Variants in SHANK2 observed in about 807,000 individuals in gnomAD.
The protein encoded by SHANK2 is SH3 and multiple ankyrin repeat domains 2.
SHANK2 carries 43 observed loss-of-function variants against 133.7 expected under a neutral mutation model. The ratio of observed to expected loss-of-function variants is 0.32; its 90% CI spans 0.25 to 0.41. The LOEUF (loss-of-function observed/expected upper bound fraction) is 0.41. Among genes scored for constraint, SHANK2 ranks in the 10% least tolerant of loss-of-function variants. SHANK2 has a pLI of 1.00. For missense variants in SHANK2, 1,994 were observed against 2,235.8 expected (o/e 0.89, Z 2.18); for synonymous variants, 1,017 against 952.8 (o/e 1.07, Z -1.24).
intron 11 of SHANK2, among the ~76,000 whole-genome samples, chr11:70,884,879 C>T (rs1949714171): frequency 6.6e-6 from 1 of 152,132 alleles, no homozygotes; most frequent in Non-Finnish European, 1.5e-5. Context: ...TGCCACCATG[C>T]CTGGCTAATT....
rs138894687 is a variant in SHANK2 at position 70,579,181 on chromosome 11, T to C, written c.2062-76250A>G. On this transcript the variant is annotated intron_variant, in intron 17 of 25. Coordinates refer to ENST00000601538, the MANE Select transcript of SHANK2 (RefSeq NM_012309.5). The stretch of plus-strand genomic sequence containing the variant: ...ACCCCTGGCAAGGTGGCCAAGGGCA[T>C]GGATGCATCCCCAGTCCAACCCTGC... Among the ~76,000 whole-genome samples, 502 of 152,340 alleles carry C rather than the reference T, an allele frequency of 3.3e-3. 13 individuals are homozygous for C. In the South Asian group the frequency reaches 0.053, roughly 16 times the overall value.
At chr11:70,897,339 C>A (rs1313106662) in intron 10 of SHANK2, among the ~76,000 whole-genome samples, 1 of 152,210 alleles carries the variant, frequency 6.6e-6, no homozygotes, top group Non-Finnish European at 1.5e-5. Flanking sequence ...CATTCAGATG[C>A]CAGCCTGGAG....
chr11:70,609,097 G>A (rs1052746159), intron 17 of SHANK2, among the ~76,000 whole-genome samples: 3 of 152,244 alleles, frequency 2.0e-5, no homozygotes, highest in Admixed American at 6.5e-5. Context: ...AAGTGGTCGC[G>A]TTGTTTGTTC....
At chr11:70,474,527 A>C (rs1157644368) in intron 25 of SHANK2, 2 of 151,496 alleles carry the variant, frequency 1.3e-5, no homozygotes, top group African/African-American at 4.9e-5. Flanking sequence ...TTCACACACC[A>C]CTCCCTCACG....
intron 18 of SHANK2, 49 bp downstream of exon 18, chr11:70,502,747 C>CCG (rs1555159048): frequency 1.3e-5 from 12 of 907,578 alleles, no homozygotes; most frequent in African/African-American, 3.5e-5. Flanking sequence ...CCCCACCCCC[C>CCG]CCCCCCAGTA....
intron 17 of SHANK2, among the ~76,000 whole-genome samples, chr11:70,533,963 T>C (rs2059512221): frequency 6.6e-6 from 1 of 152,214 alleles, no homozygotes; most frequent in Non-Finnish European, 1.5e-5. Flanking sequence ...TATGGCCAAG[T>C]AGTGTTCCAC....
intron 15 of SHANK2, among the ~76,000 whole-genome samples, chr11:70,697,076 C>G (rs1222185425): frequency 6.6e-6 from 1 of 152,192 alleles, no homozygotes; most frequent in African/African-American, 2.4e-5. Context: ...TTCATAGAGA[C>G]AGAAAGTAGA....
chr11:70,937,983 T>C (rs1435523071), intron 10 of SHANK2, among the ~76,000 whole-genome samples: 3 of 152,168 alleles, frequency 2.0e-5, no homozygotes, highest in Non-Finnish European at 2.9e-5. Flanking sequence ...GCGTGATCTA[T>C]CTTATTCTCT....
At chr11:70,861,906 G>A (rs959495249) in intron 11 of SHANK2, among the ~76,000 whole-genome samples, 3 of 152,160 alleles carry the variant, frequency 2.0e-5, no homozygotes, top group Non-Finnish European at 4.4e-5. Flanking sequence ...AGTTAGAAGA[G>A]GAGCAGAGCC....
chr11:70,566,117 T>C (rs1244868263), intron 17 of SHANK2, among the ~76,000 whole-genome samples: 1 of 151,994 alleles, frequency 6.6e-6, no homozygotes, highest in Non-Finnish European at 1.5e-5. Context: ...AATCATCAGA[T>C]CTCATGAGAC....
chr11:70,564,982 G>T (rs1354725005), intron 17 of SHANK2, among the ~76,000 whole-genome samples: 2 of 152,288 alleles, frequency 1.3e-5, no homozygotes, highest in African/African-American at 4.8e-5. Flanking sequence ...CAGTTTTAAT[G>T]ATTCTTTTAA....
intron 11 of SHANK2, among the ~76,000 whole-genome samples, chr11:70,836,986 T>A (rs1555060208): frequency 6.6e-6 from 1 of 152,190 alleles, no homozygotes; most frequent in Non-Finnish European, 1.5e-5. Flanking sequence ...TCTGTCTCTC[T>A]GTCTCTCCAC....
chr11:70,768,372 A>G (rs1028765910), intron 14 of SHANK2, among the ~76,000 whole-genome samples: 2 of 152,238 alleles, frequency 1.3e-5, no homozygotes, highest in Non-Finnish European at 2.9e-5. Context: ...AGAGCTCCCC[A>G]AATCAGCCAA....
At chr11:70,560,136 T>C (rs1406759497) in intron 17 of SHANK2, among the ~76,000 whole-genome samples, 89 of 152,180 alleles carry the variant, frequency 5.8e-4, no homozygotes, top group Non-Finnish European at 1.5e-4. Flanking sequence ...ACTCCCAAAG[T>C]GCTTGGATTA....
At chr11:70,534,944 G>T (rs1206410007) in intron 17 of SHANK2, among the ~76,000 whole-genome samples, 1 of 152,142 alleles carries the variant, frequency 6.6e-6, no homozygotes, top group East Asian at 1.9e-4. Context: ...CTATGCAGGG[G>T]CAGGAGATGT....
At position 71,085,640 on chromosome 11, in the gene SHANK2, ATATAT is replaced by A. The variant is rs1194751448; in HGVS notation, c.912+6777_912+6781del. 1.9e-3 allele frequency among the ~76,000 whole-genome samples: 100 copies of A among 53,664 alleles called. No individual in the cohort carries two copies. The East Asian group carries it at 0.035, about 19-fold the overall frequency. The allele number at this position is 53,664 out of a possible 152,430, so 35.2% of individuals were successfully genotyped here. A position where few individuals can be genotyped will look rare whatever the true frequency, so the allele number is the denominator to read the frequency against. ...TATATTATATATTATAATATATATAATATATTATGTTATATATTATATTATATATG... is the reference window on the plus strand; with the variant it reads ...TATATTATATATTATAATATATATAATATGTTATATATTATATTATATATG... On this transcript the variant is annotated intron_variant, in intron 8 of 25. Transcript: ENST00000601538.
chr11:70,943,835 G>C (rs979437477), intron 10 of SHANK2: 1 of 440,558 alleles, frequency 2.3e-6, no homozygotes, highest in Admixed American at 2.4e-5. Flanking sequence ...CTCACCACAG[G>C]GCCAACCACA....
At chr11:70,886,340 A>G (rs1417483062) in intron 11 of SHANK2, among the ~76,000 whole-genome samples, 2 of 152,172 alleles carry the variant, frequency 1.3e-5, no homozygotes, top group African/African-American at 4.8e-5. Context: ...GCTAAGTAAA[A>G]ATACAATCTT....
chr11:70,499,120 G>A (rs1338474732), intron 21 of SHANK2, among the ~76,000 whole-genome samples: 2 of 152,256 alleles, frequency 1.3e-5, no homozygotes, highest in Non-Finnish European at 2.9e-5. Context: ...AGCATTTGCC[G>A]TGCATCCACT....
Sources: gnomAD v4.1 joint callset for allele counts (sites outside exome capture counted in the v4.1 genomes callset) on GRCh38, gnomAD v4.1.1 for gene constraint, MANE v1.5 for transcripts, NCBI Gene and HGNC (gene_info 2026-07-23, HGNC 2026-07-21) for gene names.